The following KCNH1 variants were observed in gnomAD, a reference collection of about 807,000 sequenced individuals.
KCNH1 encodes the protein voltage-gated delayed rectifier potassium channel KCNH1.
In KCNH1, 27 loss-of-function variants were observed where a neutral mutation model predicts 69.2. The observed-to-expected ratio is 0.39, with a 90% CI of 0.29 to 0.54. The LOEUF (loss-of-function observed/expected upper bound fraction) is 0.54. KCNH1 is among the 20% of genes least tolerant of loss of function. The pLI, the probability that KCNH1 is intolerant of heterozygous loss-of-function variation, is 0.68. For missense variants in KCNH1, 798 were observed against 1,261.6 expected, an observed-to-expected ratio of 0.63 and a Z score of 5.57; for synonymous variants, 456 against 487.7, an observed-to-expected ratio of 0.93 and a Z score of 0.86.
intron 5 of KCNH1, among the ~76,000 whole-genome samples, chr1:211,030,462 T>C (rs1689762081): frequency 6.6e-6 from 1 of 152,084 alleles, no homozygotes; most frequent in South Asian, 2.1e-4. Flanking sequence ...CATACAAATA[T>C]ACTCAACTAA....
At chr1:211,082,726 G>T in intron 5 of KCNH1, 54 bp downstream of exon 5, 2 of 1,395,442 alleles carry the variant, frequency 1.4e-6, no homozygotes, top group Non-Finnish European at 2.0e-6. Context: ...CATTGCCTCA[G>T]CCCATGCACC....
chr1:210,744,809 C>T (rs1683111893), intron 10 of KCNH1, among the ~76,000 whole-genome samples: 2 of 152,086 alleles, frequency 1.3e-5, no homozygotes, highest in Non-Finnish European at 2.9e-5. Flanking sequence ...ATCCATGGGA[C>T]CCACCCTACA....
intron 5 of KCNH1, among the ~76,000 whole-genome samples, chr1:211,036,920 C>T (rs74156876): frequency 0.016 from 2,413 of 152,286 alleles, 65 homozygotes; most frequent in African/African-American, 0.055. Flanking sequence ...CTCCCTAATC[C>T]TCTCCTGCTA....
intron 6 of KCNH1, among the ~76,000 whole-genome samples, chr1:210,930,976 C>T (rs1004565022): frequency 1.3e-5 from 2 of 152,060 alleles, no homozygotes; most frequent in African/African-American, 4.8e-5. Context: ...GTGTACTTCA[C>T]TCCTACAAGA....
intron 5 of KCNH1, among the ~76,000 whole-genome samples, chr1:211,035,709 T>C (rs1689884686): frequency 6.6e-6 from 1 of 152,168 alleles, no homozygotes; most frequent in African/African-American, 2.4e-5. Context: ...TATCAGGACA[T>C]TACTGAAAAC....
intron 3 of KCNH1, among the ~76,000 whole-genome samples, chr1:211,099,467 T>C (rs536121782): frequency 3.3e-5 from 5 of 152,206 alleles, no homozygotes; most frequent in Admixed American, 6.5e-5. Context: ...AAATGCTGAA[T>C]GTTTTACTCT....
At chr1:210,788,753 G>A (rs1684157054) in intron 9 of KCNH1, among the ~76,000 whole-genome samples, 1 of 132,810 alleles carries the variant, frequency 7.5e-6, no homozygotes, top group Non-Finnish European at 1.5e-5. Context: ...CTGGAGTGCA[G>A]TGGCGGGATC....
intron 10 of KCNH1, among the ~76,000 whole-genome samples, chr1:210,716,448 AGCATGTTAC>A (rs1246298915): frequency 0.015 from 2,325 of 150,724 alleles, 77 homozygotes; most frequent in African/African-American, 0.052. Flanking sequence ...AAAAAAAAAA[AGCATGTTAC>A]ACAACCATCT....
intron 10 of KCNH1, among the ~76,000 whole-genome samples, chr1:210,767,469 T>C (rs1305266772): frequency 6.6e-6 from 1 of 152,172 alleles, no homozygotes; most frequent in Non-Finnish European, 1.5e-5. Context: ...GCTCCACAAG[T>C]CAGTGATCAT....
chr1:211,041,324 T>C (rs1242169559), intron 5 of KCNH1, among the ~76,000 whole-genome samples: 3 of 152,198 alleles, frequency 2.0e-5, no homozygotes, highest in African/African-American at 7.2e-5. Flanking sequence ...GCTTTCCTAA[T>C]GCCACTCTCT....
At chr1:210,692,125 T>C (rs1006572241) in intron 10 of KCNH1, among the ~76,000 whole-genome samples, 3 of 152,220 alleles carry the variant, frequency 2.0e-5, no homozygotes, top group African/African-American at 7.2e-5. Context: ...TCTTCTGGCG[T>C]TAATCAAGAA....
intron 7 of KCNH1, among the ~76,000 whole-genome samples, chr1:210,853,119 A>C (rs577326273): frequency 2.6e-5 from 4 of 152,324 alleles, no homozygotes; most frequent in Non-Finnish European, 5.9e-5. Context: ...AAAAAAGTGC[A>C]AGAGATCTGG....
intron 7 of KCNH1, among the ~76,000 whole-genome samples, chr1:210,869,909 AG>A (rs954973178): frequency 6.6e-6 from 1 of 152,102 alleles, no homozygotes; most frequent in Non-Finnish European, 1.5e-5. Flanking sequence ...TATAGCAGTC[AG>A]CTGTAGTTAC....
chr1:211,044,975 T>C (rs1383519027), intron 5 of KCNH1, among the ~76,000 whole-genome samples: 1 of 144,668 alleles, frequency 6.9e-6, no homozygotes, highest in East Asian at 2.0e-4. Context: ...AGCAGCACAG[T>C]TCGCAATTGC....
chr1:210,856,806 TATATA>T (rs1399548347), intron 7 of KCNH1, among the ~76,000 whole-genome samples: 1 of 125,448 alleles, frequency 8.0e-6, no homozygotes. Context: ...TATATTTATA[TATATA>T]TTATATATAT....
intron 7 of KCNH1, among the ~76,000 whole-genome samples, chr1:210,806,396 T>A (rs576396805): frequency 4.3e-4 from 40 of 92,644 alleles, no homozygotes; most frequent in African/African-American, 1.4e-3. Flanking sequence ...CATTTTTCAA[T>A]TTTTTTTTTA....
intron 10 of KCNH1, among the ~76,000 whole-genome samples, chr1:210,712,697 C>A (rs1682106813): frequency 6.6e-6 from 1 of 152,172 alleles, no homozygotes; most frequent in Non-Finnish European, 1.5e-5. Flanking sequence ...CATACCTATT[C>A]AAGAGTTTCA....
At chr1:210,986,692 C>T (rs538693374) in intron 6 of KCNH1, among the ~76,000 whole-genome samples, 12 of 152,288 alleles carry the variant, frequency 7.9e-5, no homozygotes, top group African/African-American at 2.6e-4. Context: ...GGTAACCCGA[C>T]CATTCTCTCT....
chr1:211,123,178 T>G (rs191086118), intron 1 of KCNH1, among the ~76,000 whole-genome samples: 78 of 152,142 alleles, frequency 5.1e-4, no homozygotes, highest in Admixed American at 1.2e-3. Context: ...ATCACAAAAC[T>G]CCATGTCCTA....
Sources: allele counts gnomAD v4.1 joint callset (sites outside exome capture counted in the v4.1 genomes callset), GRCh38; gene constraint gnomAD v4.1.1; transcripts MANE v1.5; gene names NCBI Gene and HGNC (gene_info 2026-07-23, HGNC 2026-07-21).